TBC1D16: variants seen among roughly 807,000 people sequenced by gnomAD.
The protein encoded by TBC1D16 is TBC1 domain family member 16.
Under a neutral mutation model 74.7 loss-of-function variants are expected in TBC1D16, and 58 were observed. That is an observed-to-expected ratio of 0.78 (90% CI 0.63 to 0.97). The LOEUF (loss-of-function observed/expected upper bound fraction) is 0.97, where lower values mean the gene tolerates loss of function less well. Among genes scored for constraint, TBC1D16 ranks in the 50% least tolerant of loss-of-function variants. TBC1D16 has a pLI of 0.00. For synonymous variants in TBC1D16, 493 were observed against 474.7 expected, an observed-to-expected ratio of 1.04 and a Z score of -0.50; for missense variants, 1,014 against 1,079.5, an observed-to-expected ratio of 0.94 and a Z score of 0.85.
At chr17:79,947,911 T>G (rs955341181) in intron 8 of TBC1D16, 80 bp from the exon 9 acceptor site, 1 of 1,245,858 alleles carries the variant, frequency 8.0e-7, no homozygotes, top group African/African-American at 1.5e-5. Flanking sequence ...CCCTGGGCCG[T>G]GGACCCTGCC....
In TBC1D16 at chr17:79,935,275, C is replaced by A. The variant is rs1001920763; in HGVS notation, c.*5584G>T. The A allele has an allele frequency of 6.6e-5, 10 of 152,308 alleles. No individual in the cohort carries two copies. Among genetic ancestry groups the A allele is most frequent in the African/African-American group, 2.2e-4 (9 of 41,446 alleles). The allele number at this position is 152,308 out of a possible 1,614,324, so 9.4% of individuals were successfully genotyped here. On this transcript the variant is annotated 3_prime_UTR_variant, in exon 12 of 12. Transcript: ENST00000310924. Reference sequence around the variant, plus strand: ...CGAGCACTCGTCAATTCTCCCATCACCCTCCATCGCCGCCTGCTGGGGGGG... The same window carrying A: ...CGAGCACTCGTCAATTCTCCCATCAACCTCCATCGCCGCCTGCTGGGGGGG...
Position 79,950,840 on chromosome 17 carries a change from C to A in TBC1D16, c.1090-262G>T. ...GCCCCCCACTCTCTCCAACCCCAGC[C>A]GCAAAAACGGAATGAATGCCTCGTT... On this transcript the variant is annotated intron_variant, in intron 5 of 11. Transcript: ENST00000310924. The surrounding 1 kb of genome is among the most constrained non-coding windows in gnomAD (Gnocchi z 4.6). 6.6e-7 allele frequency: 1 copy of A among 1,526,084 alleles called. No homozygotes were observed. Among genetic ancestry groups the A allele is most frequent in the South Asian group, 1.2e-5 (1 of 83,078 alleles). 94.5% of individuals were successfully genotyped at this position (1,526,084 alleles called of 1,614,324 possible). A position where few individuals can be genotyped will look rare whatever the true frequency, so the allele number is the denominator to read the frequency against.
chr17:79,981,985 C>T lies in TBC1D16; in HGVS notation c.779+28175G>A, dbSNP rs1161441288. 1.3e-5 allele frequency among the ~76,000 whole-genome samples: 2 copies of T among 152,196 alleles called. No homozygotes were observed. The highest frequency in any genetic ancestry group is 3.9e-4 in the East Asian group (2 of 5,184). The stretch of plus-strand genomic sequence containing the variant: ...AGATTGTGCTGTCAACATTGTGTTA[C>T]GCCTGGAATTTTTCAGTTACTATAT... On this transcript the variant is annotated intron_variant, in intron 3 of 11. Transcript: ENST00000310924. This position sits in a 1 kb window ranked among gnomAD's most constrained non-coding sequence, Gnocchi z 6.9.
At chr17:79,952,043 C>T (rs961515289) in intron 4 of TBC1D16, 1 of 157,030 alleles carries the variant, frequency 6.4e-6, no homozygotes, top group Admixed American at 6.3e-5. Context: ...ACTCAGTAAA[C>T]ATCCGTCAGT....
intron 1 of TBC1D16, among the ~76,000 whole-genome samples, chr17:80,016,435 C>A (rs575387643): frequency 3.9e-5 from 6 of 152,256 alleles, no homozygotes; most frequent in African/African-American, 1.2e-4. Flanking sequence ...TGTATTTTAC[C>A]ACAATAAAAA....
At chr17:79,984,562 G>GAAAGAA (rs1393691363) in intron 3 of TBC1D16, among the ~76,000 whole-genome samples, 1 of 139,924 alleles carries the variant, frequency 7.1e-6, no homozygotes, top group Non-Finnish European at 1.5e-5. Flanking sequence ...AAGAAAGAAA[G>GAAAGAA]AGAGAGAGAG....
chr17:79,971,406 G>A lies in TBC1D16; in HGVS notation c.780-18588C>T, dbSNP rs1022755194. ...TGTGGTTAAAAATTTTAAAAAGACT[G>A]AAGTGTGCAGAATCGGCATTGGAAG... is the stretch of plus-strand genomic sequence containing the variant. On this transcript the variant is annotated intron_variant, in intron 3 of 11. Coordinates refer to ENST00000310924, the MANE Select transcript of TBC1D16 (RefSeq NM_019020.4). The surrounding 1 kb of genome is among the most constrained non-coding windows in gnomAD (Gnocchi z 4.6). Among the ~76,000 whole-genome samples, 3 of 152,222 alleles carry A rather than the reference G, an allele frequency of 2.0e-5. No individual in the cohort carries two copies. Among genetic ancestry groups the A allele is most frequent in the African/African-American group, 7.2e-5 (3 of 41,450 alleles).
At position 79,961,036 on chromosome 17, in the gene TBC1D16, G is replaced by A. The variant is rs2033593414; in HGVS notation, c.780-8218C>T. Among the ~76,000 whole-genome samples, 1 of 152,170 alleles carries A rather than the reference G, an allele frequency of 6.6e-6. No homozygotes were observed. Among genetic ancestry groups the A allele is most frequent in the Non-Finnish European group, 1.5e-5 (1 of 68,030 alleles). The stretch of plus-strand genomic sequence containing the variant: ...AATCTGTGTGTGAATGTTTATAGCA[G>A]TTTTATTCATCATTGCAGAAAACAG... On this transcript the variant is annotated intron_variant, in intron 3 of 11. Transcript: ENST00000310924. This position sits in a 1 kb window ranked among gnomAD's most constrained non-coding sequence, Gnocchi z 4.8.
At chr17:80,005,492 C>T (rs895544788) in intron 3 of TBC1D16, among the ~76,000 whole-genome samples, 2 of 152,228 alleles carry the variant, frequency 1.3e-5, no homozygotes, top group Non-Finnish European at 2.9e-5. Flanking sequence ...CCAGCACACC[C>T]GAGAGCCTTG....
At chr17:79,970,574 G>A (rs1417311317) in intron 3 of TBC1D16, among the ~76,000 whole-genome samples, 2 of 152,216 alleles carry the variant, frequency 1.3e-5, no homozygotes, top group Admixed American at 1.3e-4. Flanking sequence ...TCAACCTGCA[G>A]ACAACGAGAC....
Position 79,985,241 on chromosome 17 carries a change from T to C in TBC1D16, c.779+24919A>G, listed in dbSNP as rs1012558662. On this transcript the variant is annotated intron_variant, in intron 3 of 11. Transcript: ENST00000310924. This position sits in a 1 kb window ranked among gnomAD's most constrained non-coding sequence, Gnocchi z 4.9. The stretch of plus-strand genomic sequence containing the variant: ...CCTCCTGTGTCTGTGTGTCCGTCCG[T>C]GTCTTTTAAAGACATCCGTTGGATT... Among the ~76,000 whole-genome samples the C allele has an allele frequency of 2.6e-5, 4 of 152,136 alleles. No individual in the cohort carries two copies. The highest frequency in any genetic ancestry group is 2.6e-4 in the Admixed American group (4 of 15,264).
At chr17:79,973,337 C>T (rs1187511457) in intron 3 of TBC1D16, among the ~76,000 whole-genome samples, 3 of 152,090 alleles carry the variant, frequency 2.0e-5, no homozygotes, top group Non-Finnish European at 4.4e-5. Flanking sequence ...CTTTGGGAGG[C>T]TGAGACGGGT....
intron 1 of TBC1D16, among the ~76,000 whole-genome samples, chr17:80,018,409 G>A (rs1213023198): frequency 4.0e-5 from 6 of 149,014 alleles, no homozygotes; most frequent in East Asian, 1.9e-4. Context: ...AGCCTCCCGA[G>A]TAGCTGGGAC....
intron 9 of TBC1D16, among the ~76,000 whole-genome samples, chr17:79,947,186 G>A (rs1158853723): frequency 6.6e-6 from 1 of 152,160 alleles, no homozygotes; most frequent in Non-Finnish European, 1.5e-5. Flanking sequence ...GGGAGGGGTG[G>A]GGTGTGAGGA....
rs954363536 is a variant in TBC1D16 at position 79,944,015 on chromosome 17, C to T, written c.1908+893G>A. ...CTGAGCCAGGAGGGAAACCTAGACCCGGGCCAGGGGCGAGCCGATGACCGC... is the reference window on the plus strand; with the variant it reads ...CTGAGCCAGGAGGGAAACCTAGACCTGGGCCAGGGGCGAGCCGATGACCGC... On this transcript the variant is annotated intron_variant, in intron 10 of 11. Transcript: ENST00000310924. This position sits in a 1 kb window ranked among gnomAD's most constrained non-coding sequence, Gnocchi z 7.7. The T allele has an allele frequency of 1.5e-4, 225 of 1,533,996 alleles. No homozygotes were observed. The highest frequency in any genetic ancestry group is 1.9e-4 in the Non-Finnish European group (221 of 1,145,630).
chr17:79,969,449 TG>T (rs2033985109), intron 3 of TBC1D16, among the ~76,000 whole-genome samples: 1 of 152,038 alleles, frequency 6.6e-6, no homozygotes, highest in African/African-American at 2.4e-5. Flanking sequence ...CCACACCCAC[TG>T]GGATGGCTAT....
chr17:79,987,074 C>T lies in TBC1D16; in HGVS notation c.779+23086G>A, dbSNP rs1385464729. 2.6e-5 allele frequency among the ~76,000 whole-genome samples: 4 copies of T among 152,194 alleles called. No homozygotes were observed. Among genetic ancestry groups the T allele is most frequent in the Non-Finnish European group, 5.9e-5 (4 of 68,024 alleles). ...AAGAGATCAGGGCCAGGATGGGTCA[C>T]GGGCTGTGCCCAGTGTCGCTGCCCA... is the stretch of plus-strand genomic sequence containing the variant. On this transcript the variant is annotated intron_variant, in intron 3 of 11. Coordinates refer to ENST00000310924, the MANE Select transcript of TBC1D16 (RefSeq NM_019020.4). The surrounding 1 kb of genome is among the most constrained non-coding windows in gnomAD (Gnocchi z 5.2).
intron 10 of TBC1D16, among the ~76,000 whole-genome samples, chr17:79,942,873 T>C (rs1156805729): frequency 6.6e-6 from 1 of 152,172 alleles, no homozygotes; most frequent in Admixed American, 6.5e-5. Flanking sequence ...TCCGCAGCCC[T>C]CCCTTTAAAG....
intron 3 of TBC1D16, among the ~76,000 whole-genome samples, chr17:79,962,200 T>A (rs1178500374): frequency 2.2e-5 from 2 of 90,104 alleles, no homozygotes; most frequent in Admixed American, 1.4e-4. Context: ...CATCTCAACC[T>A]ATTTTTTTTT....
Sources: gnomAD v4.1 joint callset for allele counts (sites outside exome capture counted in the v4.1 genomes callset) on GRCh38, gnomAD v4.1.1 for gene constraint, Gnocchi (gnomAD v3.1) non-coding constraint, MANE v1.5 for transcripts, NCBI Gene and HGNC (gene_info 2026-07-23, HGNC 2026-07-21) for gene names.